Variants in FREY1 observed in about 807,000 individuals in gnomAD.
The protein encoded by FREY1 is Frey regulator of sperm-oocyte fusion 1, also known as protein Frey 1.
chr11:45,907,169 G>A, the FREY1 span: 7 of 1,557,302 alleles, frequency 4.5e-6, no homozygotes, highest in Admixed American at 7.7e-5. Flanking sequence ...GCGAAGCAGT[G>A]CCACTGCCAG....
chr11:45,907,243 C>G, the FREY1 span: 1 of 1,547,606 alleles, frequency 6.5e-7, no homozygotes, highest in East Asian at 2.4e-5. Flanking sequence ...TGGCGAGAAC[C>G]ATCTCCTACA....
chr11:45,906,868 C>T, the FREY1 span: 2 of 1,605,874 alleles, frequency 1.2e-6, no homozygotes, highest in Non-Finnish European at 1.7e-6. Context: ...AGAGATACTA[C>T]CATCCACCAG....
chr11:45,906,604 C>A, the FREY1 span: 2 of 1,580,394 alleles, frequency 1.3e-6, no homozygotes, highest in South Asian at 1.1e-5. Context: ...TCGGCAAGGT[C>A]GGGCCCGTCC....
the FREY1 span, chr11:45,906,863 T>G: frequency 3.1e-6 from 5 of 1,613,600 alleles, no homozygotes; most frequent in Middle Eastern, 1.6e-4. Flanking sequence ...ACAAGAGAGA[T>G]ACTACCATCC....
chr11:45,906,971 T>C, the FREY1 span: 2 of 1,612,876 alleles, frequency 1.2e-6, no homozygotes, highest in East Asian at 2.2e-5. Flanking sequence ...TGCTCAGCCC[T>C]GGCCCAGAAG....
chr11:45,906,736 T>C, the FREY1 span: 1 of 1,577,058 alleles, frequency 6.3e-7, no homozygotes, highest in African/African-American at 1.3e-5. Context: ...CAGCTGGCTC[T>C]GATGGAACTG....
the FREY1 span, chr11:45,906,748 A>C: frequency 3.8e-6 from 6 of 1,583,700 alleles, no homozygotes; most frequent in South Asian, 6.9e-5. Flanking sequence ...ATGGAACTGA[A>C]GTCACCCTTG....
the FREY1 span, chr11:45,907,159 G>A: frequency 1.3e-6 from 2 of 1,556,894 alleles, no homozygotes; most frequent in South Asian, 1.2e-5. Context: ...GAGGCTGGGA[G>A]CGAAGCAGTG....
the FREY1 span, chr11:45,907,048 G>A: frequency 2.5e-5 from 38 of 1,538,678 alleles, no homozygotes; most frequent in Admixed American, 2.6e-4. Flanking sequence ...GCCCTCGAAC[G>A]CCCAGGGTAC....
the FREY1 span, chr11:45,906,895 G>GA: frequency 1.9e-6 from 3 of 1,613,744 alleles, no homozygotes; most frequent in East Asian, 6.7e-5. Context: ...AAGTGGCTGC[G>GA]AGAGTTCCAG....
the FREY1 span, chr11:45,906,666 G>A: frequency 3.1e-6 from 5 of 1,589,252 alleles, no homozygotes; most frequent in African/African-American, 1.4e-5. Context: ...TCGCGGCCTT[G>A]GGTGCTTGGG....
the FREY1 span, chr11:45,906,843 G>A: frequency 1.2e-6 from 2 of 1,613,336 alleles, no homozygotes; most frequent in Non-Finnish European, 1.7e-6. Context: ...GGGATGGGTA[G>A]GGGAAGGGGA....
At chr11:45,907,234 G>C in the FREY1 span, 2 of 1,551,214 alleles carry the variant, frequency 1.3e-6, no homozygotes, top group Non-Finnish European at 1.7e-6. Flanking sequence ...CCCCCAGCAT[G>C]GCGAGAACCA....
the FREY1 span, chr11:45,906,614 C>T: frequency 6.3e-7 from 1 of 1,586,520 alleles, no homozygotes; most frequent in South Asian, 1.1e-5. Context: ...CGGGCCCGTC[C>T]CGCTTGCGCT....
chr11:45,906,856 A>C, the FREY1 span: 3 of 1,613,710 alleles, frequency 1.9e-6, no homozygotes, highest in Non-Finnish European at 2.5e-6. Context: ...GAAGGGGACA[A>C]GAGAGATACT....
the FREY1 span, chr11:45,906,587 G>GTAA: frequency 1.3e-6 from 2 of 1,568,072 alleles, no homozygotes; most frequent in South Asian, 2.3e-5. Flanking sequence ...GTGCATCATA[G>GTAA]TAATACTCGG....
the FREY1 span, chr11:45,906,975 C>A: frequency 1.9e-6 from 3 of 1,611,924 alleles, no homozygotes; most frequent in South Asian, 3.3e-5. Flanking sequence ...CAGCCCTGGC[C>A]CAGAAGGCCA....
chr11:45,906,793 G>A, the FREY1 span: 3 of 1,606,988 alleles, frequency 1.9e-6, no homozygotes, highest in Admixed American at 3.3e-5. Flanking sequence ...GCCCCTGAAG[G>A]CTGGACTTGG....
the FREY1 span, chr11:45,906,926 G>C: frequency 6.2e-7 from 1 of 1,613,826 alleles, no homozygotes; most frequent in African/African-American, 1.3e-5. Context: ...AATGCCTCAG[G>C]AACAGACCGC....
Sources: gnomAD v4.1 joint callset for allele counts on GRCh38, gnomAD v4.1.1 for gene constraint, MANE v1.5 for transcripts, NCBI Gene and HGNC (gene_info 2026-07-23, HGNC 2026-07-21) for gene names.